The following TBL1XR1 variants were observed in gnomAD, a reference collection of about 807,000 sequenced individuals.
The protein encoded by TBL1XR1 is TBL1X/Y related 1.
Under a neutral mutation model 66.9 loss-of-function variants are expected in TBL1XR1, and 5 were observed. The ratio of observed to expected loss-of-function variants is 0.07; its 90% CI spans 0.04 to 0.16. The LOEUF (loss-of-function observed/expected upper bound fraction) is 0.16, where lower values mean the gene tolerates loss of function less well. Among genes scored for constraint, TBL1XR1 ranks in the 10% least tolerant of loss-of-function variants. The probability of loss-of-function intolerance (pLI) is 1.00; values close to 1 mark genes in which losing one functional copy is unlikely to be tolerated. For synonymous variants in TBL1XR1, 210 were observed against 206.0 expected (o/e 1.02, Z -0.17); for missense variants, 238 against 623.2 (o/e 0.38, Z 6.58).
chr3:177,043,219 C>G (rs189994611), intron 10 of TBL1XR1, among the ~76,000 whole-genome samples: 3 of 152,260 alleles, frequency 2.0e-5, no homozygotes, highest in Admixed American at 6.5e-5. Flanking sequence ...CTTCCCTCTT[C>G]CCATCTTCTC....
At chr3:177,101,439 T>C (rs995883053) in intron 1 of TBL1XR1, among the ~76,000 whole-genome samples, 1 of 152,184 alleles carries the variant, frequency 6.6e-6, no homozygotes, top group African/African-American at 2.4e-5. Context: ...GTTGGAGACT[T>C]AATCCCCAAA....
intron 2 of TBL1XR1, among the ~76,000 whole-genome samples, chr3:177,093,257 T>A (rs143278150): frequency 2.0e-5 from 3 of 152,016 alleles, no homozygotes; most frequent in Non-Finnish European, 4.4e-5. Flanking sequence ...CTTAGGAATA[T>A]ACCTAACCAA....
chr3:177,168,920 T>C (rs1288264713), intron 1 of TBL1XR1, among the ~76,000 whole-genome samples: 3 of 152,178 alleles, frequency 2.0e-5, no homozygotes, highest in African/African-American at 7.2e-5. Context: ...GAAACAAATG[T>C]TGACTTACCC....
chr3:177,110,044 G>A (rs998290886), intron 1 of TBL1XR1, among the ~76,000 whole-genome samples: 12 of 152,080 alleles, frequency 7.9e-5, no homozygotes, highest in Admixed American at 1.3e-4. Context: ...CTGCAGTATC[G>A]ATTTGTGCCT....
rs1728714931 is a variant in TBL1XR1, at chr3:177,134,885, TGATG to T, written c.-121-36348_-121-36345del. Among the ~76,000 whole-genome samples the T allele has an allele frequency of 1.3e-5, 2 of 151,770 alleles. 1 individual carries two copies. The highest frequency in any genetic ancestry group is 1.3e-4 in the Admixed American group (2 of 15,222). ...ACTAACGGGTATACAGTAAAAATAA[TGATG>T]GATAATAAAAGCCTTCCAATTATTA... On this transcript the variant is annotated intron_variant, in intron 1 of 15. Coordinates refer to ENST00000457928, the MANE Select transcript of TBL1XR1 (RefSeq NM_024665.7).
At chr3:177,125,301 G>A (rs1043481230) in intron 1 of TBL1XR1, among the ~76,000 whole-genome samples, 2 of 151,978 alleles carry the variant, frequency 1.3e-5, no homozygotes, top group Admixed American at 6.6e-5. Context: ...ATGAAAATAC[G>A]CTCAACATCA....
chr3:177,187,024 G>A (rs377277748), intron 1 of TBL1XR1, among the ~76,000 whole-genome samples: 43 of 152,058 alleles, frequency 2.8e-4, no homozygotes, highest in African/African-American at 8.7e-4. Context: ...AAAATTAGCC[G>A]GGCGTGGTGG....
chr3:177,036,975 C>CT, intron 12 of TBL1XR1, among the ~76,000 whole-genome samples: 1 of 152,112 alleles, frequency 6.6e-6, no homozygotes, highest in Non-Finnish European at 1.5e-5. Flanking sequence ...TCTCCAAATG[C>CT]TTTTTTCCCC....
At chr3:177,103,768 G>C (rs946006056) in intron 1 of TBL1XR1, among the ~76,000 whole-genome samples, 1 of 152,066 alleles carries the variant, frequency 6.6e-6, no homozygotes, top group Non-Finnish European at 1.5e-5. Flanking sequence ...ACAAGTTCAA[G>C]GAAGTATATC....
intron 1 of TBL1XR1, among the ~76,000 whole-genome samples, chr3:177,116,362 C>T (rs1428618926): frequency 6.6e-6 from 1 of 152,192 alleles, no homozygotes; most frequent in African/African-American, 2.4e-5. Flanking sequence ...TCTCCTCCCT[C>T]ATTTCCTGTA....
chr3:177,067,107 G>A lies in TBL1XR1; in HGVS notation c.-45-2085C>T, dbSNP rs535787542. Among the ~76,000 whole-genome samples, 31 of 152,180 alleles carry A rather than the reference G, an allele frequency of 2.0e-4. No homozygotes were observed. The South Asian group carries it at 2.5e-3, about 12-fold the overall frequency. On this transcript the variant is annotated intron_variant, in intron 2 of 15. Transcript: ENST00000457928. ...TTTAGCCTAACCACCAGTAAGGTGC[G>A]GTATTGTGCTCGGCACACATAGCAG...
intron 12 of TBL1XR1, chr3:177,037,765 A>G (rs1715010139): frequency 6.7e-6 from 1 of 148,356 alleles, no homozygotes; most frequent in East Asian, 2.2e-4. Flanking sequence ...TTCTCACAGT[A>G]AATCTCTCAT....
chr3:177,089,004 C>T (rs1189385287), intron 2 of TBL1XR1, among the ~76,000 whole-genome samples: 1 of 152,192 alleles, frequency 6.6e-6, no homozygotes, highest in Non-Finnish European at 1.5e-5. Context: ...TGACTCCTCG[C>T]TATGTACCAC....
At chr3:177,110,684 T>C (rs1001584768) in intron 1 of TBL1XR1, 1 of 152,174 alleles carries the variant, frequency 6.6e-6, no homozygotes, top group Non-Finnish European at 1.5e-5. Context: ...CCTACTATTG[T>C]ACCTAAAACA....
At chr3:177,134,392 A>G (rs572369497) in intron 1 of TBL1XR1, among the ~76,000 whole-genome samples, 1 of 152,318 alleles carries the variant, frequency 6.6e-6, no homozygotes, top group East Asian at 1.9e-4. Context: ...GAGAGAAAAC[A>G]GAATTATGGC....
intron 1 of TBL1XR1, among the ~76,000 whole-genome samples, chr3:177,116,071 G>A (rs1374718000): frequency 1.3e-5 from 2 of 152,048 alleles, no homozygotes; most frequent in Non-Finnish European, 2.9e-5. Flanking sequence ...TCCAACCCAG[G>A]CAATAAACCT....
chr3:177,034,426 ATGAG>A (rs1330427970), intron 12 of TBL1XR1, 101 bp from the exon 13 acceptor site: 2 of 753,788 alleles, frequency 2.7e-6, no homozygotes, highest in Admixed American at 3.9e-5. Context: ...AGTCTAAAAC[ATGAG>A]TGATATAACC....
At chr3:177,061,332 AT>A (rs1388845397) in intron 3 of TBL1XR1, among the ~76,000 whole-genome samples, 1 of 152,242 alleles carries the variant, frequency 6.6e-6, no homozygotes, top group East Asian at 1.9e-4. Context: ...ACAGTAAAAA[AT>A]ATTTAAGCCT....
At chr3:177,156,549 TTATA>T (rs1171549240) in intron 1 of TBL1XR1, among the ~76,000 whole-genome samples, 3 of 120,592 alleles carry the variant, frequency 2.5e-5, no homozygotes, top group African/African-American at 2.9e-5. Context: ...ACACACACAC[TTATA>T]TATATATACA....
Sources: gnomAD v4.1 joint callset for allele counts (sites outside exome capture counted in the v4.1 genomes callset) on GRCh38, gnomAD v4.1.1 for gene constraint, MANE v1.5 for transcripts, NCBI Gene and HGNC (gene_info 2026-07-23, HGNC 2026-07-21) for gene names.